Variants in LIPK observed in about 807,000 individuals in gnomAD.
The protein encoded by LIPK is lipase family member K.
LIPK carries 32 observed loss-of-function variants against 48.6 expected under a neutral mutation model. The observed-to-expected ratio is 0.66, with a 90% CI of 0.50 to 0.88. The LOEUF is 0.88. Ranked by LOEUF, LIPK falls within the 40% of genes least tolerant of loss-of-function variation. The pLI, the probability that LIPK is intolerant of heterozygous loss-of-function variation, is 0.00. For synonymous variants in LIPK, 164 were observed against 157.4 expected (o/e 1.04, Z -0.32); for missense variants, 507 against 478.5 (o/e 1.06, Z -0.56).
chr10:88,739,364 T>A (rs1057069118), intron 7 of LIPK, among the ~76,000 whole-genome samples: 3 of 152,218 alleles, frequency 2.0e-5, no homozygotes, highest in African/African-American at 7.2e-5. Flanking sequence ...TTTAATCCCC[T>A]ATACCCTTGA....
intron 1 of LIPK, among the ~76,000 whole-genome samples, chr10:88,718,785 T>C (rs1842166533): frequency 6.6e-6 from 1 of 152,180 alleles, no homozygotes; most frequent in African/African-American, 2.4e-5. Context: ...AGCATATAGA[T>C]GCTCAGTCCA....
chr10:88,722,901 TGACAGG>T (rs1842259236), intron 1 of LIPK, among the ~76,000 whole-genome samples: 6 of 146,786 alleles, frequency 4.1e-5, no homozygotes, highest in South Asian at 2.2e-4. Flanking sequence ...TTTTTTTTTT[TGACAGG>T]GTTTCACTCT....
intron 2 of LIPK, among the ~76,000 whole-genome samples, chr10:88,726,561 A>G (rs441719): frequency 0.78 from 118,227 of 152,094 alleles, 46,954 homozygotes; most frequent in East Asian, 1. Context: ...GGCCATTGGG[A>G]CAGGTGCCTT....
chr10:88,733,520 C>A (rs1330187705), intron 6 of LIPK, among the ~76,000 whole-genome samples: 1 of 152,142 alleles, frequency 6.6e-6, no homozygotes, highest in Non-Finnish European at 1.5e-5. Context: ...CTATACATCC[C>A]AGAAAGACAG....
intron 9 of LIPK, among the ~76,000 whole-genome samples, chr10:88,745,257 A>G (rs1842747141): frequency 6.6e-6 from 1 of 152,184 alleles, no homozygotes; most frequent in South Asian, 2.1e-4. Context: ...AGCGGTCAAC[A>G]TTTAAATTTG....
chr10:88,726,181 A>C (rs1276969386), intron 2 of LIPK, among the ~76,000 whole-genome samples: 1 of 152,178 alleles, frequency 6.6e-6, no homozygotes, highest in East Asian at 1.9e-4. Flanking sequence ...ATGACCATAT[A>C]ATTTTCATCA....
At chr10:88,718,726 T>C (rs432526) in intron 1 of LIPK, among the ~76,000 whole-genome samples, 50,837 of 151,978 alleles carry the variant, frequency 0.33, 8,503 homozygotes, top group East Asian at 0.41. Flanking sequence ...AAATTCTAAA[T>C]TGACATTTAC....
At chr10:88,728,002 G>T in intron 3 of LIPK, 1 of 366,056 alleles carries the variant, frequency 2.7e-6, no homozygotes, top group Non-Finnish European at 5.4e-6. Context: ...GCTGAAGGTG[G>T]AGGTGGAGCT....
intron 1 of LIPK, among the ~76,000 whole-genome samples, chr10:88,709,233 T>C (rs1246230309): frequency 1.3e-5 from 2 of 152,044 alleles, no homozygotes; most frequent in Admixed American, 6.5e-5. Context: ...TTTTTTGAAC[T>C]CTTTATGAAG....
intron 1 of LIPK, among the ~76,000 whole-genome samples, chr10:88,714,076 G>A (rs1300597420): frequency 6.6e-6 from 1 of 151,998 alleles, no homozygotes; most frequent in East Asian, 1.9e-4. Flanking sequence ...CAGTATCACG[G>A]TAAATGGAGG....
chr10:88,720,055 G>A (rs1842193309), intron 1 of LIPK, among the ~76,000 whole-genome samples: 1 of 152,168 alleles, frequency 6.6e-6, no homozygotes, highest in South Asian at 2.1e-4. Flanking sequence ...TAGCTAGAGG[G>A]GTTGGGGGCA....
At chr10:88,747,953 C>A (rs1272435790) in intron 9 of LIPK, among the ~76,000 whole-genome samples, 3 of 152,108 alleles carry the variant, frequency 2.0e-5, no homozygotes, top group Non-Finnish European at 4.4e-5. Context: ...AAGATACATG[C>A]ACATGTATGT....
chr10:88,723,610 T>C (rs2134713394), intron 1 of LIPK, among the ~76,000 whole-genome samples: 1 of 152,252 alleles, frequency 6.6e-6, no homozygotes, highest in East Asian at 1.9e-4. Flanking sequence ...CTCTCCACAA[T>C]GTTCACAATT....
At chr10:88,710,467 T>C (rs1430750761) in intron 1 of LIPK, among the ~76,000 whole-genome samples, 1 of 152,202 alleles carries the variant, frequency 6.6e-6, no homozygotes, top group Non-Finnish European at 1.5e-5. Context: ...ATCTGAATTG[T>C]ACAGTTTGAT....
At chr10:88,733,294 A>G (rs1590149309) in intron 6 of LIPK, among the ~76,000 whole-genome samples, 3 of 152,198 alleles carry the variant, frequency 2.0e-5, no homozygotes, top group Non-Finnish European at 4.4e-5. Context: ...TATCTAGTCC[A>G]GGTAAATTGC....
chr10:88,725,109 G>A (rs1320406246), intron 2 of LIPK, among the ~76,000 whole-genome samples: 1 of 152,148 alleles, frequency 6.6e-6, no homozygotes, highest in East Asian at 1.9e-4. Context: ...AAGAAAAAAA[G>A]GCCAAATGAC....
At chr10:88,719,338 G>C (rs1227255338) in intron 1 of LIPK, among the ~76,000 whole-genome samples, 1 of 152,184 alleles carries the variant, frequency 6.6e-6, no homozygotes, top group African/African-American at 2.4e-5. Flanking sequence ...AATAAAAACA[G>C]TAATAGTCAA....
intron 4 of LIPK, among the ~76,000 whole-genome samples, chr10:88,731,553 A>T (rs751040284): frequency 6.6e-6 from 1 of 152,228 alleles, no homozygotes; most frequent in Non-Finnish European, 1.5e-5. Context: ...GAGCAAACTG[A>T]TGCACTGGCA....
intron 9 of LIPK, among the ~76,000 whole-genome samples, chr10:88,745,425 G>A (rs980030110): frequency 6.6e-6 from 1 of 152,180 alleles, no homozygotes; most frequent in Non-Finnish European, 1.5e-5. Context: ...CAGGCTAACT[G>A]TGGACCTTTC....
Sources: allele counts gnomAD v4.1 joint callset (sites outside exome capture counted in the v4.1 genomes callset), GRCh38; gene constraint gnomAD v4.1.1; transcripts MANE v1.5; gene names NCBI Gene and HGNC (gene_info 2026-07-23, HGNC 2026-07-21).